Variants in GZF1 observed in about 807,000 individuals in gnomAD.
GZF1 encodes the protein GDNF inducible zinc finger protein 1.
Under a neutral mutation model 49.4 loss-of-function variants are expected in GZF1, and 28 were observed. That is an observed-to-expected ratio of 0.57 (90% confidence interval 0.42 to 0.78). The LOEUF (loss-of-function observed/expected upper bound fraction) is 0.78. Among genes scored for constraint, GZF1 ranks in the 30% least tolerant of loss-of-function variants. The pLI, the probability that GZF1 is intolerant of heterozygous loss-of-function variation, is 0.00. For missense variants in GZF1, 798 were observed against 916.2 expected (o/e 0.87, Z 1.67); for synonymous variants, 364 against 356.0 (o/e 1.02, Z -0.25).
chr20:23,362,054 C>T (rs1980714157), upstream of GZF1: 1 of 152,346 alleles, frequency 6.6e-6, no homozygotes, highest in South Asian at 2.1e-4. Flanking sequence ...GCTCCGCCGC[C>T]CGACGTGTGG....
In GZF1 at chr20:23,364,864, C is replaced by T. The variant is rs1208819145; in HGVS notation, c.481C>T (p.Pro161Ser). The T allele has an allele frequency of 6.2e-7, 1 of 1,614,218 alleles. No homozygotes were observed. The highest frequency in any genetic ancestry group is 1.1e-5 in the South Asian group (1 of 91,090). ...CAGTGGCTCCCAAGTTAGTGCTGCT[C>T]CTGCCCCCAGGGCAAGTGTGGCCAC... Reference protein sequence around the residue: ...VSSGSQVSAAPAPRASVATDG... With the variant: ...VSSGSQVSAASAPRASVATDG... The change falls in exon 2 of 6, where the codon CCT becomes TCT. Residue 161 changes from proline (P) to serine (S), a missense_variant. Around this residue, in one of 3 missense-constraint regions of GZF1, gnomAD observed 247 missense variants for 228.5 expected, o/e 1.08. Transcript: ENST00000338121.
intron 2 of GZF1, 151 bp downstream of exon 2, chr20:23,365,898 T>C: frequency 7.7e-7 from 1 of 1,305,656 alleles, no homozygotes; most frequent in Non-Finnish European, 1.0e-6. Context: ...TCTGTCAAGG[T>C]ACAGGGGCTG....
chr20:23,370,991 G>GAAAT lies in GZF1; in HGVS notation c.*552_*555dup, dbSNP rs1982020930. On this transcript the variant is annotated 3_prime_UTR_variant, in exon 6 of 6. Transcript: ENST00000338121. ...GTGGGGACCCTCAAATGCAACTGAAGAAATAGATTGTTGCATTCATTCCTC... is the reference window on the plus strand; with the variant it reads ...GTGGGGACCCTCAAATGCAACTGAAGAAATAAATAGATTGTTGCATTCATTCCTC... 1 of 154,220 alleles carries GAAAT rather than the reference G, an allele frequency of 6.5e-6. No individual in the cohort carries two copies. The highest frequency in any genetic ancestry group is 1.4e-5 in the Non-Finnish European group (1 of 69,350). 9.6% of individuals were successfully genotyped at this position (154,220 alleles called of 1,614,324 possible). A position where few individuals can be genotyped will look rare whatever the true frequency, so the allele number is the denominator to read the frequency against.
At chr20:23,367,915 C>G (rs1487941021) in intron 3 of GZF1, among the ~76,000 whole-genome samples, 1 of 152,222 alleles carries the variant, frequency 6.6e-6, no homozygotes, top group Admixed American at 6.5e-5. Context: ...CACTGGCTTA[C>G]AAGCCTCAAG....
rs2123083081 is a variant in GZF1 at position 23,370,191 on chromosome 20, A to G, written c.1886A>G (p.Tyr629Cys). ...AAGACTGAACAGCCTGACGAAGAGTATGTGTCATCCAAGCTTTCGGATAAA... is the reference window on the plus strand; with the variant it reads ...AAGACTGAACAGCCTGACGAAGAGTGTGTGTCATCCAAGCTTTCGGATAAA... ...GHKTEQPDEE[Y>C]VSSKLSDKLL... The change falls in exon 6 of 6, where the codon TAT (tyrosine) becomes TGT (cysteine). Residue 629 changes from tyrosine (Y) to cysteine (C), a missense_variant. Transcript: ENST00000338121. The G allele has an allele frequency of 6.2e-7, 1 of 1,614,060 alleles. No homozygotes were observed.
chr20:23,366,678 T>C (rs1981436478), intron 2 of GZF1, among the ~76,000 whole-genome samples: 1 of 152,240 alleles, frequency 6.6e-6, no homozygotes, highest in Admixed American at 6.5e-5. Context: ...TTTACAAATA[T>C]CAGATTGTGG....
Position 23,364,597 on chromosome 20 carries a change from G to A in GZF1, c.214G>A (p.Gly72Ser). Reference sequence around the variant, plus strand: ...GTTCCTTAATGAGAAGAGTGTGGATGGTACTAGGACTAATGTCTACTTAAA... The same window carrying A: ...GTTCCTTAATGAGAAGAGTGTGGATAGTACTAGGACTAATGTCTACTTAAA... The part of the protein sequence containing the change: ...EVFLNEKSVD[G>S]TRTNVYLNEV... Residue 72 changes from glycine to serine, a missense_variant, in exon 2 of 6, where the codon GGT (glycine) becomes AGT (serine). Physicochemically the swap from Gly to Ser is moderately conservative, Grantham distance 56 (BLOSUM62 0). Coordinates refer to ENST00000338121, the MANE Select transcript of GZF1 (RefSeq NM_022482.5). 1 of 1,614,198 alleles carries A rather than the reference G, an allele frequency of 6.2e-7. No individual in the cohort carries two copies. Among genetic ancestry groups the A allele is most frequent in the Non-Finnish European group, 8.5e-7 (1 of 1,180,024 alleles).
rs1190520353 is a variant in GZF1, at chr20:23,371,606, T to A, written c.*1165T>A. 6.5e-6 allele frequency: 1 copy of A among 152,682 alleles called. No homozygotes were observed. Among genetic ancestry groups the A allele is most frequent in the Non-Finnish European group, 1.5e-5 (1 of 68,048 alleles). The allele number at this position is 152,682 out of a possible 1,614,324, so 9.5% of individuals were successfully genotyped here. Reference sequence around the variant, plus strand: ...AATTATTGCTTTTAAAAATTCACAATGAAAAGACGATTCTGCTGTATTTGT... The same window carrying A: ...AATTATTGCTTTTAAAAATTCACAAAGAAAAGACGATTCTGCTGTATTTGT... On this transcript the variant is annotated 3_prime_UTR_variant, in exon 6 of 6. Coordinates refer to ENST00000338121, the MANE Select transcript of GZF1 (RefSeq NM_022482.5).
intron 1 of GZF1, among the ~76,000 whole-genome samples, chr20:23,363,611 C>A (rs1015520924): frequency 2.6e-5 from 4 of 152,210 alleles, no homozygotes; most frequent in African/African-American, 4.8e-5. Flanking sequence ...AAATGGGGAT[C>A]ACTGTAGCAC....
At chr20:23,363,691 C>T (rs1267460393) in intron 1 of GZF1, among the ~76,000 whole-genome samples, 1 of 152,180 alleles carries the variant, frequency 6.6e-6, no homozygotes, top group Non-Finnish European at 1.5e-5. Flanking sequence ...TGGTAACAGC[C>T]GGTCAGCCTT....
chr20:23,361,532 T>G (rs1259490381), upstream of GZF1, among the ~76,000 whole-genome samples: 1 of 152,178 alleles, frequency 6.6e-6, no homozygotes, highest in Non-Finnish European at 1.5e-5. Flanking sequence ...TCCCGGCTCC[T>G]GGCGCGCCGA....
rs1209873562 is a variant in GZF1 at position 23,370,727 on chromosome 20, C to G, written c.*286C>G. ...GGTGTATGTGCTAATCGTTCTAATT[C>G]TTGATTACCTAGTTTATAGATAACT... is the stretch of plus-strand genomic sequence containing the variant. On this transcript the variant is annotated 3_prime_UTR_variant, in exon 6 of 6. Transcript: ENST00000338121. The G allele has an allele frequency of 2.6e-6, 1 of 384,438 alleles. No individual in the cohort carries two copies. The highest frequency in any genetic ancestry group is 4.6e-5 in the Admixed American group (1 of 21,776). 23.8% of individuals were successfully genotyped at this position (384,438 alleles called of 1,614,324 possible).
chr20:23,362,929 C>G (rs1980862908), intron 1 of GZF1: 1 of 152,318 alleles, frequency 6.6e-6, no homozygotes, highest in South Asian at 2.1e-4. Flanking sequence ...AGTCTTGTTT[C>G]CCCAGGCTGG....
At position 23,370,382 on chromosome 20, in the gene GZF1, C is replaced by T. The variant is rs1568591594; in HGVS notation, c.2077C>T (p.Leu693=). The change falls in exon 6 of 6, where the codon CTG becomes TTG. Residue 693 remains leucine (L), a synonymous_variant. Coordinates refer to ENST00000338121, the MANE Select transcript of GZF1 (RefSeq NM_022482.5). ...LATTISELSE[L]TPQTDSMPTQ... ...CACCACCATCAGTGAGCTTAGCGAGCTGACCCCACAGACAGACTCGATGCC... is the reference window on the plus strand; with the variant it reads ...CACCACCATCAGTGAGCTTAGCGAGTTGACCCCACAGACAGACTCGATGCC... 6.2e-7 allele frequency: 1 copy of T among 1,614,006 alleles called. No homozygotes were observed. Among genetic ancestry groups the T allele is most frequent in the Admixed American group, 1.7e-5 (1 of 59,996 alleles).
chr20:23,364,441 G>A lies in GZF1; in HGVS notation c.58G>A (p.Glu20Lys). Residue 20 changes from glutamate to lysine, a missense_variant, in exon 2 of 6, where the codon GAG becomes AAG. Physicochemically the swap from Glu to Lys is moderately conservative, Grantham distance 56 (BLOSUM62 1). Around this residue, in one of 3 missense-constraint regions of GZF1, gnomAD observed 105 missense variants for 147.5 expected, o/e 0.71. Coordinates refer to ENST00000338121, the MANE Select transcript of GZF1 (RefSeq NM_022482.5). ...SKSSPFNLLH[E>K]MHELRLLGHL... ...ATCCTCCCCATTTAACCTACTGCAT[G>A]AGATGCATGAGCTTCGCCTCCTGGG... The A allele has an allele frequency of 6.2e-7, 1 of 1,613,708 alleles. No individual in the cohort carries two copies. The highest frequency in any genetic ancestry group is 8.5e-7 in the Non-Finnish European group (1 of 1,179,700).
Position 23,365,188 on chromosome 20 carries a change from G to A in GZF1, c.805G>A (p.Val269Met), listed in dbSNP as rs200932803. The A allele has an allele frequency of 2.1e-5, 34 of 1,609,394 alleles. No individual in the cohort carries two copies. Among genetic ancestry groups the A allele is most frequent in the Middle Eastern group, 3.3e-4 (2 of 6,030 alleles). The change falls in exon 2 of 6, where the codon GTG (valine) becomes ATG (methionine). Residue 269 changes from valine to methionine, a missense_variant. Coordinates refer to ENST00000338121, the MANE Select transcript of GZF1 (RefSeq NM_022482.5). ...TCCCCAGGACCAAAGCCCGGACAGG[G>A]TGGGCACGGAGATGGAGCAGGTTTC... ...RCPQDQSPDRVGTEMEQVSKN... is the reference protein window; with the variant it reads ...RCPQDQSPDRMGTEMEQVSKN...
At position 23,372,176 on chromosome 20, in the gene GZF1, G is replaced by A. The variant is rs1248954655; in HGVS notation, c.*1735G>A. On this transcript the variant is annotated 3_prime_UTR_variant, in exon 6 of 6. Coordinates refer to ENST00000338121, the MANE Select transcript of GZF1 (RefSeq NM_022482.5). ...ATAGATCATTTTGTTACCTACTGGA[G>A]GGATTTTTGTCTTGAATTTGTTTCC... is the stretch of plus-strand genomic sequence containing the variant. The A allele has an allele frequency of 1.3e-5, 2 of 152,582 alleles. No homozygotes were observed. Among genetic ancestry groups the A allele is most frequent in the Admixed American group, 6.5e-5 (1 of 15,280 alleles). The allele number at this position is 152,582 out of a possible 1,614,324, so 9.5% of individuals were successfully genotyped here.
rs773688119 is a variant in GZF1 at position 23,365,655 on chromosome 20, G to A, written c.1272G>A (p.Leu424=). Residue 424 remains leucine, a synonymous_variant, in exon 2 of 6, where the codon CTG becomes CTA. Transcript: ENST00000338121. Reference sequence around the variant, plus strand: ...TGAGTTCCAAGACAGCGCTGCGGCTGCACGAGCGCACACACACGGGAGACC... The same window carrying A: ...TGAGTTCCAAGACAGCGCTGCGGCTACACGAGCGCACACACACGGGAGACC... ...KGLSSKTALR[L]HERTHTGDRP... 6.2e-7 allele frequency: 1 copy of A among 1,600,804 alleles called. No individual in the cohort carries two copies. Among genetic ancestry groups the A allele is most frequent in the South Asian group, 1.1e-5 (1 of 90,940 alleles).
At chr20:23,364,240 T>C (rs1361625943) in intron 1 of GZF1, 123 bp from the exon 2 acceptor site, 2 of 556,802 alleles carry the variant, frequency 3.6e-6, no homozygotes, top group South Asian at 2.9e-5. Context: ...TTCGAATCTT[T>C]ACCTGAGTAA....
Sources: allele counts gnomAD v4.1 joint callset (sites outside exome capture counted in the v4.1 genomes callset), GRCh38; gene constraint gnomAD v4.1.1; regional missense constraint gnomAD v4.1.1; transcripts MANE v1.5; gene names NCBI Gene and HGNC (gene_info 2026-07-23, HGNC 2026-07-21).